DNAH6: variants seen among roughly 807,000 people sequenced by gnomAD.
The protein encoded by DNAH6 is axonemal beta dynein heavy chain 6.
Under a neutral mutation model 491.4 loss-of-function variants are expected in DNAH6, and 340 were observed. The observed-to-expected ratio is 0.69, with a 90% CI of 0.63 to 0.76. DNAH6 has a LOEUF of 0.76. DNAH6 is among the 30% of genes least tolerant of loss of function. The pLI is 0.00. For synonymous variants in DNAH6, 1,603 were observed against 1,686.1 expected, an observed-to-expected ratio of 0.95 and a Z score of 1.21; for missense variants, 4,443 against 4,972.2, an observed-to-expected ratio of 0.89 and a Z score of 3.20.
In DNAH6 at chr2:84,792,141, T is replaced by C. The variant is rs193237790; in HGVS notation, c.11240-4165T>C. Among the ~76,000 whole-genome samples, 3 of 152,352 alleles carry C rather than the reference T, an allele frequency of 2.0e-5. No individual in the cohort carries two copies. The East Asian group carries it at 5.8e-4, about 29-fold the overall frequency. ...AAGTTAGTCACAGAGGGACAAATAC[T>C]GCATGATTCCTCTTATGTGAGGCCT... is the stretch of plus-strand genomic sequence containing the variant. On this transcript the variant is annotated intron_variant, in intron 68 of 76. Transcript: ENST00000389394.
upstream of DNAH6, among the ~76,000 whole-genome samples, chr2:84,514,412 G>A (rs1196899580): frequency 6.6e-6 from 1 of 152,058 alleles, no homozygotes; most frequent in African/African-American, 2.4e-5. Context: ...CTAACATAAG[G>A]TTATTGCAAT....
At chr2:84,697,888 C>T (rs1695543053) in intron 47 of DNAH6, 161 bp downstream of exon 47, 1 of 741,606 alleles carries the variant, frequency 1.3e-6, no homozygotes, top group African/African-American at 1.8e-5. Flanking sequence ...GTGTTTAAAG[C>T]ATTGGGTCAC....
At chr2:84,726,629 G>C (rs1477694538) in intron 60 of DNAH6, among the ~76,000 whole-genome samples, 2 of 152,052 alleles carry the variant, frequency 1.3e-5, no homozygotes, top group Admixed American at 1.3e-4. Flanking sequence ...CTCCGGGACT[G>C]GGGGAAGTGG....
intron 2 of DNAH6, among the ~76,000 whole-genome samples, chr2:84,521,136 A>AT (rs1034803466): frequency 6.6e-6 from 1 of 150,390 alleles, no homozygotes; most frequent in African/African-American, 2.4e-5. Context: ...TTACTTTTCT[A>AT]TTTTTTTTAA....
chr2:84,688,595 TA>T lies in DNAH6; in HGVS notation c.7292+3del. 6.5e-7 allele frequency: 1 copy of T among 1,531,760 alleles called. No homozygotes were observed. Among genetic ancestry groups the T allele is most frequent in the South Asian group, 1.3e-5 (1 of 79,140 alleles). 94.9% of individuals were successfully genotyped at this position (1,531,760 alleles called of 1,614,324 possible). A position where few individuals can be genotyped will look rare whatever the true frequency, so the allele number is the denominator to read the frequency against. On this transcript the variant is annotated splice_donor_region_variant and intron_variant, in intron 45 of 76. Coordinates refer to ENST00000389394, the MANE Select transcript of DNAH6 (RefSeq NM_001370.2). ...GGATGCTATAGAACATGTTTCAAGGTATAGTGCTATAAGGCGCCCAATAATG... is the reference window on the plus strand; with the variant it reads ...GGATGCTATAGAACATGTTTCAAGGTTAGTGCTATAAGGCGCCCAATAATG...
intron 72 of DNAH6, 39 bp from the exon 73 acceptor site, chr2:84,812,302 C>T (rs768342308): frequency 1.6e-5 from 25 of 1,526,066 alleles, no homozygotes; most frequent in African/African-American, 4.1e-5. Context: ...TGGATAATGA[C>T]ATCTGCAAAG....
chr2:84,793,961 A>G (rs1192401), intron 68 of DNAH6, among the ~76,000 whole-genome samples: 34,292 of 152,200 alleles, frequency 0.23, 4,618 homozygotes, highest in African/African-American at 0.39. Context: ...ACAGCATGAT[A>G]CTGGTACCAA....
At chr2:84,801,269 GAA>G (rs548174516) in intron 70 of DNAH6, among the ~76,000 whole-genome samples, 3,524 of 110,510 alleles carry the variant, frequency 0.032, 74 homozygotes, top group South Asian at 0.084. Flanking sequence ...AAAAGAAAAA[GAA>G]AAAAAAAAAA....
At chr2:84,494,360 A>G in the DNAH6 span, among the ~76,000 whole-genome samples, 1 of 152,220 alleles carries the variant, frequency 6.6e-6, no homozygotes, top group Non-Finnish European at 1.5e-5. Flanking sequence ...ATTTTCAGGA[A>G]GCAAAAAGGA....
chr2:84,604,641 A>G, intron 19 of DNAH6, 90 bp downstream of exon 19: 2 of 1,009,890 alleles, frequency 2.0e-6, no homozygotes, highest in Non-Finnish European at 1.4e-6. Flanking sequence ...GTTTTTTTCA[A>G]CGTTGCAGCT....
chr2:84,733,311 A>G (rs1699266467), intron 61 of DNAH6, 133 bp from the exon 62 acceptor site: 3 of 710,252 alleles, frequency 4.2e-6, no homozygotes, highest in South Asian at 2.1e-5. Flanking sequence ...CTATTTCACC[A>G]TATTGTACTA....
At position 84,529,035 on chromosome 2, in the gene DNAH6, A is replaced by G. The variant is rs897284632; in HGVS notation, c.531A>G (p.Glu177=). ...YPKYTFHDRE[E]VVKANIRDPL... is the part of the protein sequence containing the mutation. Reference sequence around the variant, plus strand: ...AGTACACTTTTCACGACCGAGAAGAAGTTGTTAAAGCCAACATTCGTGATC... The same window carrying G: ...AGTACACTTTTCACGACCGAGAAGAGGTTGTTAAAGCCAACATTCGTGATC... The change falls in exon 4 of 77, where the codon GAA becomes GAG. Residue 177 remains glutamate (E), a synonymous_variant. Coordinates refer to ENST00000389394, the MANE Select transcript of DNAH6 (RefSeq NM_001370.2). 1.2e-5 allele frequency: 19 copies of G among 1,551,494 alleles called. No homozygotes were observed. The highest frequency in any genetic ancestry group is 1.7e-5 in the Non-Finnish European group (19 of 1,146,798).
rs928432395 is a variant in DNAH6 at position 84,644,418 on chromosome 2, AT to A, written c.5078+2374del. Reference sequence around the variant, plus strand: ...AGATTTCTTTTCTTTTTCAAATGTGATTTTTTTTTTCATTTCCAACTTTTAT... The same window carrying A: ...AGATTTCTTTTCTTTTTCAAATGTGATTTTTTTTTCATTTCCAACTTTTAT... On this transcript the variant is annotated intron_variant, in intron 33 of 76. Transcript: ENST00000389394. 1.5e-3 allele frequency among the ~76,000 whole-genome samples: 228 copies of A among 149,668 alleles called. 1 individual carries two copies. Among genetic ancestry groups the A allele is most frequent in the African/African-American group, 4.8e-3 (197 of 40,756 alleles).
At chr2:84,783,392 A>G (rs1250465141) in intron 65 of DNAH6, among the ~76,000 whole-genome samples, 4 of 152,250 alleles carry the variant, frequency 2.6e-5, no homozygotes, top group African/African-American at 7.2e-5. Flanking sequence ...TTATAAGAAC[A>G]AAAGTATGGA....
Position 84,579,831 on chromosome 2 carries a change from A to G in DNAH6, c.2229+152A>G, listed in dbSNP as rs940381354. Reference sequence around the variant, plus strand: ...TAAGTGGATGTTCTACATCACAGGAATAAAGCCAGCTGACAGTTATCAGAC... The same window carrying G: ...TAAGTGGATGTTCTACATCACAGGAGTAAAGCCAGCTGACAGTTATCAGAC... On this transcript the variant is annotated intron_variant, in intron 14 of 76. Transcript: ENST00000389394. 13 of 632,838 alleles carry G rather than the reference A, an allele frequency of 2.1e-5. No homozygotes were observed. The African/African-American group carries it at 2.5e-4, about 12-fold the overall frequency. 39.2% of individuals were successfully genotyped at this position (632,838 alleles called of 1,614,324 possible).
At chr2:84,682,817 G>A (rs193148500) in intron 42 of DNAH6, among the ~76,000 whole-genome samples, 10 of 152,182 alleles carry the variant, frequency 6.6e-5, no homozygotes, top group East Asian at 3.9e-4. Context: ...CTGATTATCC[G>A]TTTACCCTGT....
At chr2:84,531,029 C>T (rs1573518827) in intron 4 of DNAH6, among the ~76,000 whole-genome samples, 1 of 152,000 alleles carries the variant, frequency 6.6e-6, no homozygotes, top group Non-Finnish European at 1.5e-5. Flanking sequence ...TAGGAAGACA[C>T]GAGACATCAA....
intron 61 of DNAH6, among the ~76,000 whole-genome samples, chr2:84,731,342 CA>C (rs961812574): frequency 6.6e-6 from 1 of 152,206 alleles, no homozygotes; most frequent in African/African-American, 2.4e-5. Context: ...TGAGTGTAGC[CA>C]AAAGGTGGGG....
Position 84,573,504 on chromosome 2 carries a change from A to G in DNAH6, c.1841A>G (p.Tyr614Cys), listed in dbSNP as rs368300777. Residue 614 changes from tyrosine (Y) to cysteine (C), a missense_variant, in exon 12 of 77, where the codon TAT becomes TGT. Transcript: ENST00000389394. ...IQAAFESARI[Y>C]AATFEKFQIF... ...GCCGCATTTGAATCAGCCCGCATCTATGCAGCTACCTTTGAAAAGTTCCAG... is the reference window on the plus strand; with the variant it reads ...GCCGCATTTGAATCAGCCCGCATCTGTGCAGCTACCTTTGAAAAGTTCCAG... 6.3e-6 allele frequency: 10 copies of G among 1,592,412 alleles called. No individual in the cohort carries two copies. In the African/African-American group the frequency reaches 1.2e-4, roughly 19 times the overall value.
Sources: allele counts gnomAD v4.1 joint callset (sites outside exome capture counted in the v4.1 genomes callset), GRCh38; gene constraint gnomAD v4.1.1; transcripts MANE v1.5; gene names NCBI Gene and HGNC (gene_info 2026-07-23, HGNC 2026-07-21).